ANO2: variants seen among roughly 807,000 people sequenced by gnomAD.
ANO2 encodes the protein anoctamin-2.
ANO2 carries 101 observed loss-of-function variants against 124.2 expected under a neutral mutation model. That is an observed-to-expected ratio of 0.81 (90% CI 0.69 to 0.96). ANO2 has a LOEUF of 0.96. Among genes scored for constraint, ANO2 ranks in the 40% least tolerant of loss-of-function variants. The pLI, the probability that ANO2 is intolerant of heterozygous loss-of-function variation, is 0.00. For missense variants in ANO2, 1,293 were observed against 1,274.5 expected (o/e 1.01, Z -0.22); for synonymous variants, 486 against 482.5 (o/e 1.01, Z -0.09).
chr12:5,921,157 G>A lies in ANO2; in HGVS notation c.417C>T (p.Gly139=), dbSNP rs771214539. The change falls in exon 3 of 25, where the codon GGC becomes GGT. Residue 139 remains glycine (G), a synonymous_variant. Coordinates refer to ENST00000682330, the MANE Select transcript of ANO2 (RefSeq NM_001364791.2). ...GETGKEPHAG[G]PGDIELGPLD... ...GCGGTCCCAGCTCAATGTCACCTGG[G>A]CCCCCAGCATGAGGCTCCTTGCCTG... 1 of 1,613,946 alleles carries A rather than the reference G, an allele frequency of 6.2e-7. No individual in the cohort carries two copies. Among genetic ancestry groups the A allele is most frequent in the Non-Finnish European group, 8.5e-7 (1 of 1,179,876 alleles).
At chr12:5,917,067 G>A (rs1941423191) in intron 3 of ANO2, among the ~76,000 whole-genome samples, 2 of 152,130 alleles carry the variant, frequency 1.3e-5, no homozygotes, top group African/African-American at 2.4e-5. Flanking sequence ...TGAAGCCATG[G>A]GTGGGGGCTG....
chr12:5,946,207 T>G, upstream of ANO2: 1 of 1,610,482 alleles, frequency 6.2e-7, no homozygotes, highest in Non-Finnish European at 8.5e-7. This position sits in a 1 kb window ranked among gnomAD's most constrained non-coding sequence, Gnocchi z 4.1. Flanking sequence ...TCATGATAGA[T>G]CCCACTTTAT....
At chr12:5,838,977 C>G (rs2137230030) in intron 4 of ANO2, among the ~76,000 whole-genome samples, 1 of 152,338 alleles carries the variant, frequency 6.6e-6, no homozygotes, top group Non-Finnish European at 1.5e-5. Context: ...CTACTTCCTA[C>G]CATGATGGAG....
At chr12:5,629,135 G>A (rs1006559677) in intron 16 of ANO2, among the ~76,000 whole-genome samples, 2 of 152,124 alleles carry the variant, frequency 1.3e-5, no homozygotes, top group Non-Finnish European at 2.9e-5. Context: ...CCAACCCTGT[G>A]ACTTGGAGAG....
At chr12:5,922,516 G>A (rs978045879) in intron 2 of ANO2, 104 bp downstream of exon 2, 21 of 1,273,574 alleles carry the variant, frequency 1.6e-5, no homozygotes, top group Middle Eastern at 2.8e-4. Context: ...TCTCTTTCAC[G>A]CACACATGTG....
intron 4 of ANO2, among the ~76,000 whole-genome samples, chr12:5,852,615 T>G (rs1329435600): frequency 6.6e-6 from 1 of 151,960 alleles, no homozygotes; most frequent in Admixed American, 6.6e-5. Context: ...CTGTTGGTAG[T>G]GAAAATGGTG....
chr12:5,627,680 C>T (rs16933672), intron 16 of ANO2, among the ~76,000 whole-genome samples: 15,156 of 152,268 alleles, frequency 0.1, 1,775 homozygotes, highest in African/African-American at 0.27. Flanking sequence ...GCCATTTGTA[C>T]CTGTGACACT....
chr12:5,680,389 A>C lies in ANO2; in HGVS notation c.1546-32588T>G, dbSNP rs372773690. ...TAAGAGGGATATTGAAAAAAAGGAA[A>C]GAGGGGCCAGACTAGGAGAGGGTCT... On this transcript the variant is annotated intron_variant, in intron 14 of 24. Coordinates refer to ENST00000682330, the MANE Select transcript of ANO2 (RefSeq NM_001364791.2). Among the ~76,000 whole-genome samples the C allele has an allele frequency of 9.8e-5, 15 of 152,324 alleles. 1 individual carries two copies. In the East Asian group the frequency reaches 2.7e-3, roughly 27 times the overall value.
intron 14 of ANO2, among the ~76,000 whole-genome samples, chr12:5,722,376 G>A (rs932268033): frequency 1.3e-5 from 2 of 152,054 alleles, no homozygotes; most frequent in South Asian, 2.1e-4. Flanking sequence ...GCGCAGTGGC[G>A]GGCGCCTGTA....
intron 1 of ANO2, among the ~76,000 whole-genome samples, chr12:5,923,280 GCACACA>G (rs1198399219): frequency 4.5e-5 from 2 of 44,366 alleles, no homozygotes; most frequent in South Asian, 1.5e-3. Context: ...ACACACACAC[GCACACA>G]CACAGCGTGG....
intron 20 of ANO2, among the ~76,000 whole-genome samples, chr12:5,581,928 T>C (rs970517784): frequency 2.0e-5 from 3 of 152,120 alleles, no homozygotes; most frequent in African/African-American, 7.2e-5. Flanking sequence ...CAGAAACAAA[T>C]AGGAAGTTTT....
chr12:5,601,480 C>G (rs1418503570), intron 19 of ANO2, among the ~76,000 whole-genome samples: 1 of 151,378 alleles, frequency 6.6e-6, no homozygotes, highest in Non-Finnish European at 1.5e-5. Context: ...GATTCTGAAG[C>G]TAAATATGTG....
At chr12:5,689,389 CA>C (rs34883864) in intron 14 of ANO2, among the ~76,000 whole-genome samples, 20,924 of 152,154 alleles carry the variant, frequency 0.14, 1,534 homozygotes, top group Middle Eastern at 0.24. Flanking sequence ...GTTGTTAGCA[CA>C]GAGACAGGCT....
intron 4 of ANO2, among the ~76,000 whole-genome samples, chr12:5,841,367 C>T (rs1954508380): frequency 6.6e-6 from 1 of 152,192 alleles, no homozygotes; most frequent in African/African-American, 2.4e-5. Context: ...AGCAACAACA[C>T]TGAGTGTAGA....
chr12:5,598,240 G>T (rs985640564), intron 20 of ANO2, among the ~76,000 whole-genome samples: 1 of 152,214 alleles, frequency 6.6e-6, no homozygotes, highest in Non-Finnish European at 1.5e-5. Context: ...TGCAAACACA[G>T]TGATAGGTGC....
chr12:5,610,969 C>CTGTTTTTTTTTTTTTTTTTTT (rs1227683723), intron 19 of ANO2, among the ~76,000 whole-genome samples: 1 of 93,914 alleles, frequency 1.1e-5, no homozygotes, highest in Non-Finnish European at 2.2e-5. Flanking sequence ...ACAAACTTCT[C>CTGTTTTTTTTTTTTTTTTTTT]TGCTTTTTTT....
intron 14 of ANO2, among the ~76,000 whole-genome samples, chr12:5,691,189 G>C (rs914148487): frequency 6.6e-6 from 1 of 151,906 alleles, no homozygotes; most frequent in African/African-American, 2.4e-5. Flanking sequence ...TTAGCCAGGC[G>C]TGGTGGCACA....
intron 14 of ANO2, among the ~76,000 whole-genome samples, chr12:5,651,772 C>T (rs117118724): frequency 0.017 from 2,553 of 152,294 alleles, 28 homozygotes; most frequent in Non-Finnish European, 0.027. Context: ...TCCCCAGAAC[C>T]TGACAAGATC....
chr12:5,709,932 G>A (rs767265988), intron 14 of ANO2, among the ~76,000 whole-genome samples: 1 of 152,320 alleles, frequency 6.6e-6, no homozygotes, highest in East Asian at 1.9e-4. Context: ...AATACAAAAT[G>A]AAAGTGAAAA....
Sources: allele counts gnomAD v4.1 joint callset (sites outside exome capture counted in the v4.1 genomes callset), GRCh38; gene constraint gnomAD v4.1.1; non-coding constraint Gnocchi (gnomAD v3.1); transcripts MANE v1.5; gene names NCBI Gene and HGNC (gene_info 2026-07-23, HGNC 2026-07-21).